Variants in CRISPLD2 observed in about 807,000 individuals in gnomAD.
The protein encoded by CRISPLD2 is cysteine rich secretory protein LCCL domain containing 2.
In CRISPLD2, 47 loss-of-function variants were observed where a neutral mutation model predicts 71.1. The ratio of observed to expected loss-of-function variants is 0.66; its 90% confidence interval spans 0.52 to 0.84. CRISPLD2 has a LOEUF of 0.84. Ranked by LOEUF, CRISPLD2 falls within the 40% of genes least tolerant of loss-of-function variation. CRISPLD2 has a pLI of 0.00. For missense variants in CRISPLD2, 830 were observed against 651.1 expected, an observed-to-expected ratio of 1.27 and a Z score of -2.99; for synonymous variants, 317 against 250.1, an observed-to-expected ratio of 1.27 and a Z score of -2.52.
intron 4 of CRISPLD2, 96 bp downstream of exon 4, chr16:84,849,613 C>T (rs1383436734): frequency 2.2e-5 from 29 of 1,337,688 alleles, no homozygotes; most frequent in South Asian, 5.1e-5. Context: ...AAAGCCTCTG[C>T]GCTGTTGTTG....
chr16:84,874,081 C>A, intron 11 of CRISPLD2, 118 bp downstream of exon 11: 1 of 894,566 alleles, frequency 1.1e-6, no homozygotes. Context: ...CATTATGGTT[C>A]TCATCATTGT....
intron 5 of CRISPLD2, among the ~76,000 whole-genome samples, chr16:84,853,731 G>T (rs527726291): frequency 6.6e-6 from 1 of 152,216 alleles, no homozygotes; most frequent in African/African-American, 2.4e-5. Flanking sequence ...TTTCCCCAAC[G>T]CTCAGAGCAC....
At chr16:84,879,358 A>T (rs1055627215) in intron 12 of CRISPLD2, among the ~76,000 whole-genome samples, 1 of 69,232 alleles carries the variant, frequency 1.4e-5, no homozygotes, top group East Asian at 1.4e-3. Context: ...ACTCTTTCCA[A>T]TTCTTTTTTT....
At chr16:84,842,010 C>G (rs920712759) in intron 2 of CRISPLD2, 6 of 152,716 alleles carry the variant, frequency 3.9e-5, no homozygotes, top group African/African-American at 1.2e-4. Context: ...GGGCGGGAGG[C>G]GGGGAGTGAA....
chr16:84,862,694 T>TTTA (rs1394868846), intron 6 of CRISPLD2, among the ~76,000 whole-genome samples: 12 of 148,354 alleles, frequency 8.1e-5, no homozygotes, highest in East Asian at 7.8e-4. Context: ...TTTTTTTTTT[T>TTTA]AACGTGGCTC....
At chr16:84,872,767 T>C (rs1003960667) in intron 9 of CRISPLD2, among the ~76,000 whole-genome samples, 1 of 152,186 alleles carries the variant, frequency 6.6e-6, no homozygotes, top group African/African-American at 2.4e-5. Context: ...AAGGGATGTT[T>C]GTCACTCTTC....
rs564628499 is a variant in CRISPLD2, at chr16:84,898,292, A to G, written c.1440-8296A>G. On this transcript the variant is annotated intron_variant, in intron 14 of 14. Transcript: ENST00000262424. The stretch of plus-strand genomic sequence containing the variant: ...CTTTCCTGTGTAAGGCTCCCCCGCC[A>G]GTGGCTTTCCATTGTACTAAGAATC... Among the ~76,000 whole-genome samples the G allele has an allele frequency of 1.1e-3, 170 of 152,278 alleles. 1 individual carries two copies. Among genetic ancestry groups the G allele is most frequent in the African/African-American group, 3.7e-3 (155 of 41,550 alleles).
chr16:84,868,225 A>C (rs1409628314), intron 7 of CRISPLD2, among the ~76,000 whole-genome samples: 2 of 152,194 alleles, frequency 1.3e-5, no homozygotes, highest in African/African-American at 4.8e-5. Context: ...TTGACCAGGA[A>C]ACCTGCGGAG....
intron 13 of CRISPLD2, among the ~76,000 whole-genome samples, chr16:84,882,347 C>CAAAAAAAAAAAAAAAAAAAA (rs80146835): frequency 1.3e-5 from 1 of 77,492 alleles, no homozygotes; most frequent in Non-Finnish European, 2.5e-5. Flanking sequence ...ACCAATAAAG[C>CAAAAAAAAAAAAAAAAAAAA]AAAAAAAAAA....
chr16:84,889,679 G>T (rs2071644302), intron 14 of CRISPLD2, among the ~76,000 whole-genome samples: 2 of 151,490 alleles, frequency 1.3e-5, no homozygotes, highest in South Asian at 4.2e-4. Context: ...AAGATAAACA[G>T]TCATCCATAA....
At chr16:84,832,981 G>T (rs1052243405) in intron 1 of CRISPLD2, among the ~76,000 whole-genome samples, 1 of 152,186 alleles carries the variant, frequency 6.6e-6, no homozygotes, top group African/African-American at 2.4e-5. Context: ...AGAGGGGTGC[G>T]GTTGGAGAGC....
chr16:84,867,754 A>T (rs1917581070), intron 7 of CRISPLD2, among the ~76,000 whole-genome samples: 1 of 152,092 alleles, frequency 6.6e-6, no homozygotes, highest in Non-Finnish European at 1.5e-5. Flanking sequence ...TTTAGTAGAG[A>T]AAGGGAGATG....
At chr16:84,899,459 A>C (rs2071734499) in intron 14 of CRISPLD2, among the ~76,000 whole-genome samples, 3 of 152,220 alleles carry the variant, frequency 2.0e-5, no homozygotes, top group African/African-American at 7.2e-5. Flanking sequence ...CAACTTCCCC[A>C]GCATACCTGG....
chr16:84,898,400 C>T (rs1218411149), intron 14 of CRISPLD2, among the ~76,000 whole-genome samples: 3 of 152,176 alleles, frequency 2.0e-5, no homozygotes, highest in Non-Finnish European at 2.9e-5. Flanking sequence ...CTTCCTCCTA[C>T]ATTTCCACCT....
chr16:84,821,170 A>C (rs1369836264), intron 1 of CRISPLD2, among the ~76,000 whole-genome samples: 2 of 152,142 alleles, frequency 1.3e-5, no homozygotes, highest in East Asian at 3.9e-4. Flanking sequence ...GAATGGGGTG[A>C]GCCTGCTTTC....
At chr16:84,855,078 C>G (rs575516257) in intron 6 of CRISPLD2, among the ~76,000 whole-genome samples, 1 of 152,088 alleles carries the variant, frequency 6.6e-6, no homozygotes, top group Non-Finnish European at 1.5e-5. Flanking sequence ...TCTCCTGTGC[C>G]GGGCTCTGCA....
In CRISPLD2 at chr16:84,906,936, G is replaced by C; in HGVS notation, c.*294G>C. 2.2e-6 allele frequency: 1 copy of C among 460,488 alleles called. No individual in the cohort carries two copies. Among genetic ancestry groups the C allele is most frequent in the Non-Finnish European group, 3.9e-6 (1 of 254,530 alleles). The allele number at this position is 460,488 out of a possible 1,614,324, so 28.5% of individuals were successfully genotyped here. The stretch of plus-strand genomic sequence containing the variant: ...TCTGAGCTGTCTCTTAAAGGGGACA[G>C]TTGCCCAAAATGTTCCTTGCTATGT... On this transcript the variant is annotated 3_prime_UTR_variant, in exon 15 of 15. Transcript: ENST00000262424.
Position 84,881,222 on chromosome 16 carries a change from A to G in CRISPLD2, c.1305+638A>G, listed in dbSNP as rs11866359. Among the ~76,000 whole-genome samples the G allele has an allele frequency of 9.2e-3, 1,396 of 152,334 alleles. 31 individuals carry two copies. The highest frequency in any genetic ancestry group is 0.032 in the African/African-American group (1,348 of 41,578). ...TCTTCCCAGCTCTCCGGATGCATTT[A>G]TAGAAACTGGTCCACGCACTGTATT... On this transcript the variant is annotated intron_variant, in intron 13 of 14. Coordinates refer to ENST00000262424, the MANE Select transcript of CRISPLD2 (RefSeq NM_031476.4).
intron 8 of CRISPLD2, among the ~76,000 whole-genome samples, chr16:84,869,584 G>C (rs554176644): frequency 6.6e-6 from 1 of 152,346 alleles, no homozygotes; most frequent in South Asian, 2.1e-4. Context: ...GGCTCAGTGG[G>C]CTCACATGTG....
Sources: allele counts gnomAD v4.1 joint callset (sites outside exome capture counted in the v4.1 genomes callset), GRCh38; gene constraint gnomAD v4.1.1; transcripts MANE v1.5; gene names NCBI Gene and HGNC (gene_info 2026-07-23, HGNC 2026-07-21).